The following ENTPD1 variants were observed in gnomAD, a reference collection of about 807,000 sequenced individuals.
The protein encoded by ENTPD1 is ATP diphosphohydrolase.
A neutral mutation model predicts 57.0 loss-of-function variants in ENTPD1; 33 were observed. The observed-to-expected ratio is 0.58, with a 90% CI of 0.44 to 0.77. The LOEUF is 0.77. Among genes scored for constraint, ENTPD1 ranks in the 30% least tolerant of loss-of-function variants. The probability of loss-of-function intolerance (pLI) is 0.00; values close to 1 mark genes in which losing one functional copy is unlikely to be tolerated. For missense variants in ENTPD1, 501 were observed against 603.4 expected (o/e 0.83, Z 1.78); for synonymous variants, 202 against 218.8 (o/e 0.92, Z 0.68).
upstream of ENTPD1, chr10:95,755,849 G>C: frequency 6.6e-7 from 1 of 1,505,138 alleles, no homozygotes; most frequent in Non-Finnish European, 8.9e-7. Context: ...CTTTTTCAAG[G>C]GAGAAAAAGG....
intron 2 of ENTPD1, among the ~76,000 whole-genome samples, chr10:95,823,723 C>T (rs1293481911): frequency 6.6e-6 from 1 of 152,180 alleles, no homozygotes; most frequent in Non-Finnish European, 1.5e-5. Flanking sequence ...GGGTGAATCA[C>T]AATACTGCAC....
At chr10:95,714,908 C>G (rs115186884) in intron 1 of ENTPD1, among the ~76,000 whole-genome samples, 5,677 of 152,204 alleles carry the variant, frequency 0.037, 129 homozygotes, top group Non-Finnish European at 0.049. Context: ...TGAGAATGTA[C>G]ATTCTGGATA....
intron 1 of ENTPD1, among the ~76,000 whole-genome samples, chr10:95,785,958 T>C (rs1363698423): frequency 6.6e-6 from 1 of 152,210 alleles, no homozygotes; most frequent in African/African-American, 2.4e-5. Flanking sequence ...GCAAGCGTTT[T>C]TCTTGGCCTA....
chr10:95,820,826 G>A (rs559793638), intron 1 of ENTPD1, among the ~76,000 whole-genome samples: 1 of 152,276 alleles, frequency 6.6e-6, no homozygotes, highest in South Asian at 2.1e-4. Flanking sequence ...TAACTAGATT[G>A]TAAATTCCAA....
chr10:95,760,326 C>T (rs1252267654), intron 1 of ENTPD1, among the ~76,000 whole-genome samples: 1 of 152,180 alleles, frequency 6.6e-6, no homozygotes, highest in Non-Finnish European at 1.5e-5. Context: ...CCTTCACCCT[C>T]CCAGCAGTGC....
intron 1 of ENTPD1, among the ~76,000 whole-genome samples, chr10:95,712,461 T>C (rs1390346966): frequency 1.8e-4 from 28 of 152,230 alleles, no homozygotes; most frequent in Admixed American, 1.8e-3. Context: ...CTTGCGATTT[T>C]AGGGAGCATG....
intron 1 of ENTPD1, among the ~76,000 whole-genome samples, chr10:95,736,616 AC>A (rs1278179531): frequency 1.3e-5 from 2 of 151,994 alleles, no homozygotes; most frequent in Admixed American, 1.3e-4. Context: ...TTGCACGCAC[AC>A]CCCTTCAGAT....
intron 2 of ENTPD1, among the ~76,000 whole-genome samples, chr10:95,827,556 G>C (rs963367942): frequency 2.0e-5 from 3 of 152,110 alleles, no homozygotes; most frequent in African/African-American, 7.2e-5. Context: ...TGCGATCTCA[G>C]CTCACTACAA....
At chr10:95,717,742 G>A (rs1420215243) in intron 1 of ENTPD1, among the ~76,000 whole-genome samples, 1 of 152,122 alleles carries the variant, frequency 6.6e-6, no homozygotes, top group Admixed American at 6.5e-5. Context: ...GCCGACAACC[G>A]CTCTTAACTG....
intron 7 of ENTPD1, among the ~76,000 whole-genome samples, chr10:95,854,021 T>A (rs937194725): frequency 6.6e-6 from 1 of 152,240 alleles, no homozygotes; most frequent in African/African-American, 2.4e-5. Context: ...CAGCTTCTCC[T>A]TGTATCTCTG....
intron 1 of ENTPD1, among the ~76,000 whole-genome samples, chr10:95,725,872 C>T (rs1340522631): frequency 6.6e-6 from 1 of 152,234 alleles, no homozygotes; most frequent in Non-Finnish European, 1.5e-5. Context: ...GTACACTTCA[C>T]ATCCCAACTG....
intron 4 of ENTPD1, among the ~76,000 whole-genome samples, chr10:95,844,210 G>A (rs1017245914): frequency 6.6e-6 from 1 of 152,138 alleles, no homozygotes; most frequent in Non-Finnish European, 1.5e-5. Context: ...GGGAACTTCA[G>A]AACAAAAGTG....
Position 95,866,218 on chromosome 10 carries a change from G to A in ENTPD1, c.1368G>A (p.Leu456=), listed in dbSNP as rs2098474293. Residue 456 remains leucine (L), a synonymous_variant, in exon 10 of 10, where the codon CTG becomes CTA. Transcript: ENST00000371205. Reference sequence around the variant, plus strand: ...CCGGCTGGACTTTGGGCTACATGCTGAACCTGACCAACATGATCCCAGCTG... The same window carrying A: ...CCGGCTGGACTTTGGGCTACATGCTAAACCTGACCAACATGATCCCAGCTG... ...SDAGWTLGYM[L]NLTNMIPAEQ... 6.2e-7 allele frequency: 1 copy of A among 1,614,110 alleles called. No homozygotes were observed. The highest frequency in any genetic ancestry group is 8.5e-7 in the Non-Finnish European group (1 of 1,180,018).
At chr10:95,701,220 G>A in the ENTPD1 span, among the ~76,000 whole-genome samples, 1 of 152,178 alleles carries the variant, frequency 6.6e-6, no homozygotes, top group African/African-American at 2.4e-5. Context: ...ACTCAGGAAG[G>A]GAAGTTGAAG....
At chr10:95,805,051 CT>C (rs1249024907) in intron 1 of ENTPD1, among the ~76,000 whole-genome samples, 4 of 152,008 alleles carry the variant, frequency 2.6e-5, no homozygotes, top group Admixed American at 6.6e-5. Flanking sequence ...CCTTGTTAAC[CT>C]TCTGTCTCGT....
intron 2 of ENTPD1, among the ~76,000 whole-genome samples, chr10:95,832,577 A>G (rs767217070): frequency 6.6e-6 from 1 of 152,126 alleles, no homozygotes; most frequent in Non-Finnish European, 1.5e-5. Context: ...TTTTAGCACA[A>G]ACATTCCACA....
the ENTPD1 span, among the ~76,000 whole-genome samples, chr10:95,702,938 C>T: frequency 2.0e-4 from 31 of 152,164 alleles, no homozygotes; most frequent in African/African-American, 4.8e-4. Flanking sequence ...CCTGCCACCA[C>T]GCCAGGCTAA....
At chr10:95,766,391 TA>T (rs1237330191) in intron 1 of ENTPD1, among the ~76,000 whole-genome samples, 2 of 152,214 alleles carry the variant, frequency 1.3e-5, no homozygotes, top group Non-Finnish European at 2.9e-5. Flanking sequence ...GATTTACTTT[TA>T]ACCTCAATTA....
intron 1 of ENTPD1, among the ~76,000 whole-genome samples, chr10:95,714,833 TTAAGAA>T (rs1237963472): frequency 6.6e-6 from 1 of 152,182 alleles, no homozygotes; most frequent in Non-Finnish European, 1.5e-5. Context: ...CAACAACAGT[TTAAGAA>T]TAAGATTAGC....
Sources: allele counts gnomAD v4.1 joint callset (sites outside exome capture counted in the v4.1 genomes callset), GRCh38; gene constraint gnomAD v4.1.1; transcripts MANE v1.5; gene names NCBI Gene and HGNC (gene_info 2026-07-23, HGNC 2026-07-21).